SLC7A2: variants seen among roughly 807,000 people sequenced by gnomAD.
The protein encoded by SLC7A2 is solute carrier family 7 member 2.
A neutral mutation model predicts 58.9 loss-of-function variants in SLC7A2; 48 were observed. The observed-to-expected ratio is 0.82, with a 90% CI of 0.65 to 1.04. The LOEUF (loss-of-function observed/expected upper bound fraction) is 1.04. SLC7A2 is among the 50% of genes least tolerant of loss of function. The pLI is 0.00. For missense variants in SLC7A2, 1,029 were observed against 818.8 expected, an observed-to-expected ratio of 1.26 and a Z score of -3.13; for synonymous variants, 363 against 314.5, an observed-to-expected ratio of 1.15 and a Z score of -1.63.
chr8:17,560,856 C>T (rs981102248), intron 10 of SLC7A2, among the ~76,000 whole-genome samples: 1 of 152,208 alleles, frequency 6.6e-6, no homozygotes, highest in Non-Finnish European at 1.5e-5. Flanking sequence ...AATAACCTGA[C>T]TGGAACCCGA....
At chr8:17,548,354 A>T (rs972243947) in intron 4 of SLC7A2, among the ~76,000 whole-genome samples, 2 of 152,228 alleles carry the variant, frequency 1.3e-5, no homozygotes, top group Admixed American at 6.5e-5. Context: ...AAAAGAAAAA[A>T]TAGTTTGCAA....
intron 5 of SLC7A2, among the ~76,000 whole-genome samples, chr8:17,549,713 A>C (rs757273328): frequency 6.6e-6 from 1 of 152,222 alleles, no homozygotes; most frequent in Admixed American, 6.5e-5. Flanking sequence ...AATGGGGTAC[A>C]CCTGTATGTT....
chr8:17,565,213 G>A lies in SLC7A2; in HGVS notation c.*67G>A. The A allele has an allele frequency of 1.6e-6, 2 of 1,251,574 alleles. No homozygotes were observed. The highest frequency in any genetic ancestry group is 1.5e-5 in the South Asian group (1 of 68,012). The allele number at this position is 1,251,574 out of a possible 1,614,324, so 77.5% of individuals were successfully genotyped here. On this transcript the variant is annotated 3_prime_UTR_variant, in exon 13 of 13. Coordinates refer to ENST00000494857, the MANE Select transcript of SLC7A2 (RefSeq NM_001370338.1). Reference sequence around the variant, plus strand: ...TCCTACACTGAGTAAACCGTAACGGGATGTCATCAGCATGCTGGGTTGTCA... The same window carrying A: ...TCCTACACTGAGTAAACCGTAACGGAATGTCATCAGCATGCTGGGTTGTCA...
chr8:17,538,769 TCCATCAG>T, intron 2 of SLC7A2: 1 of 1,607,920 alleles, frequency 6.2e-7, no homozygotes, highest in Non-Finnish European at 8.5e-7. Context: ...TACTTTTTTT[TCCATCAG>T]TCCCAAAACA....
intron 2 of SLC7A2, among the ~76,000 whole-genome samples, chr8:17,522,222 C>A (rs1801042528): frequency 6.6e-6 from 1 of 152,108 alleles, no homozygotes; most frequent in Admixed American, 6.6e-5. Context: ...AGAATGAGAA[C>A]CAAGTAAAAG....
chr8:17,558,576 A>G (rs560648299), intron 9 of SLC7A2, among the ~76,000 whole-genome samples, 179 bp downstream of exon 9: 1 of 152,356 alleles, frequency 6.6e-6, no homozygotes, highest in Admixed American at 6.5e-5. Flanking sequence ...GCAAAGAATC[A>G]AATGCAAGTT....
intron 4 of SLC7A2, among the ~76,000 whole-genome samples, chr8:17,545,664 C>T (rs1802137574): frequency 6.6e-6 from 1 of 152,054 alleles, no homozygotes; most frequent in African/African-American, 2.4e-5. Flanking sequence ...TCCCAAAGTG[C>T]TGGGATTACA....
intron 8 of SLC7A2, among the ~76,000 whole-genome samples, chr8:17,556,436 CTCTAAAATATTTTTGTGA>C (rs1382202009): frequency 6.6e-6 from 1 of 151,888 alleles, no homozygotes; most frequent in Non-Finnish European, 1.5e-5. Flanking sequence ...TTTTAAAATG[CTCTAAAATATTTTTGTGA>C]TTTTGTACTC....
chr8:17,563,306 G>T (rs1803109540), intron 11 of SLC7A2, among the ~76,000 whole-genome samples: 1 of 152,088 alleles, frequency 6.6e-6, no homozygotes, highest in Admixed American at 6.6e-5. Context: ...CATTTCAGAG[G>T]TCTCCCCTTT....
intron 2 of SLC7A2, among the ~76,000 whole-genome samples, chr8:17,518,901 T>A (rs1800906200): frequency 6.6e-6 from 1 of 152,144 alleles, no homozygotes; most frequent in Non-Finnish European, 1.5e-5. Context: ...GCCAGCATGG[T>A]TGAGCTCTGG....
At chr8:17,538,732 G>A (rs1801779445) in intron 2 of SLC7A2, 2 of 1,490,602 alleles carry the variant, frequency 1.3e-6, no homozygotes, top group Admixed American at 2.0e-5. Flanking sequence ...GTATGGTAAA[G>A]ATCCCTACTT....
At chr8:17,521,704 T>C (rs991367095) in intron 2 of SLC7A2, among the ~76,000 whole-genome samples, 45 of 152,356 alleles carry the variant, frequency 3.0e-4, no homozygotes, top group African/African-American at 8.2e-4. Flanking sequence ...TGCTGCGGTA[T>C]GCTTGGCCAA....
In SLC7A2 at chr8:17,560,679, G is replaced by C. The variant is rs1010695566; in HGVS notation, c.1504+146G>C. 4 of 650,414 alleles carry C rather than the reference G, an allele frequency of 6.1e-6. No homozygotes were observed. The African/African-American group carries it at 7.2e-5, about 12-fold the overall frequency. 40.3% of individuals were successfully genotyped at this position (650,414 alleles called of 1,614,324 possible). On this transcript the variant is annotated intron_variant, in intron 10 of 12. Coordinates refer to ENST00000494857, the MANE Select transcript of SLC7A2 (RefSeq NM_001370338.1). ...GAAATTTTCACCTAAAGCATCACCA[G>C]TGGTTGAGATCATCTTTATATTACC...
chr8:17,548,902 G>C, intron 5 of SLC7A2, 59 bp downstream of exon 5: 1 of 1,392,512 alleles, frequency 7.2e-7, no homozygotes, highest in South Asian at 1.3e-5. Flanking sequence ...TTTTAAGTGG[G>C]TGTATTAGTT....
chr8:17,501,369 G>A (rs188208876), intron 1 of SLC7A2, among the ~76,000 whole-genome samples: 1 of 152,138 alleles, frequency 6.6e-6, no homozygotes, highest in Non-Finnish European at 1.5e-5. Flanking sequence ...CTGCTGTTAC[G>A]CTGACCTCAC....
intron 1 of SLC7A2, chr8:17,498,918 G>C (rs985229028): frequency 6.6e-6 from 1 of 152,260 alleles, no homozygotes; most frequent in African/African-American, 2.4e-5. Context: ...TAAAAAGCCT[G>C]ATCTTGCGCT....
At chr8:17,507,761 G>T (rs1435635053) in intron 2 of SLC7A2, among the ~76,000 whole-genome samples, 1 of 152,092 alleles carries the variant, frequency 6.6e-6, no homozygotes, top group Non-Finnish European at 1.5e-5. Context: ...ATGCCCTAAA[G>T]ATTTCATGAT....
chr8:17,537,372 G>A (rs1801714661), intron 2 of SLC7A2, among the ~76,000 whole-genome samples: 2 of 152,224 alleles, frequency 1.3e-5, no homozygotes, highest in African/African-American at 4.8e-5. Context: ...GGCTTCTACT[G>A]CCAGCCTGTG....
intron 1 of SLC7A2, among the ~76,000 whole-genome samples, chr8:17,498,324 A>T (rs1800029594): frequency 1.3e-5 from 2 of 152,200 alleles, no homozygotes; most frequent in African/African-American, 4.8e-5. Flanking sequence ...TTGACTTGAT[A>T]CTTTTTCATT....
Sources: allele counts gnomAD v4.1 joint callset (sites outside exome capture counted in the v4.1 genomes callset), GRCh38; gene constraint gnomAD v4.1.1; transcripts MANE v1.5; gene names NCBI Gene and HGNC (gene_info 2026-07-23, HGNC 2026-07-21).